TSHZ3: variants seen among roughly 807,000 people sequenced by gnomAD.
TSHZ3 encodes the protein teashirt zinc finger homeobox 3.
TSHZ3 carries 10 observed loss-of-function variants against 64.5 expected under a neutral mutation model. That is an observed-to-expected ratio of 0.16 (90% CI 0.10 to 0.26). TSHZ3 has a LOEUF of 0.26. Among genes scored for constraint, TSHZ3 ranks in the 10% least tolerant of loss-of-function variants. The pLI is 1.00. For missense variants in TSHZ3, 1,242 were observed against 1,421.7 expected (o/e 0.87, Z 2.03); for synonymous variants, 608 against 593.1 (o/e 1.03, Z -0.36).
exon 7 of TSHZ3, among the ~76,000 whole-genome samples, chr19:31,150,782 C>T (rs1004440488): frequency 2.0e-5 from 3 of 152,172 alleles, no homozygotes; most frequent in Non-Finnish European, 2.9e-5. Flanking sequence ...GTTGGGCACA[C>T]CTGTACCACC....
chr19:31,280,596 T>C (rs552825287), intron 1 of TSHZ3, among the ~76,000 whole-genome samples: 2 of 152,362 alleles, frequency 1.3e-5, no homozygotes, highest in African/African-American at 4.8e-5. Context: ...TGTATAAATA[T>C]ATACAAGACC....
At chr19:31,191,371 T>C (rs1381941899) in intron 5 of TSHZ3, among the ~76,000 whole-genome samples, 1 of 152,164 alleles carries the variant, frequency 6.6e-6, no homozygotes, top group Admixed American at 6.5e-5. Flanking sequence ...ATGCAAGTTA[T>C]AACACAATGG....
chr19:31,164,098 G>A (rs913776030), intron 5 of TSHZ3, among the ~76,000 whole-genome samples: 4 of 152,230 alleles, frequency 2.6e-5, no homozygotes, highest in Admixed American at 6.5e-5. Flanking sequence ...CCTTGACCCC[G>A]ACACCTTTTT....
chr19:31,263,174 A>G (rs1976003569), intron 1 of TSHZ3, among the ~76,000 whole-genome samples: 10 of 152,258 alleles, frequency 6.6e-5, no homozygotes, highest in Admixed American at 5.2e-4. Flanking sequence ...CTGAGCCAGG[A>G]CTTGGAGGTC....
chr19:31,308,506 C>T (rs1916361473), intron 1 of TSHZ3: 1 of 394,634 alleles, frequency 2.5e-6, no homozygotes, highest in Non-Finnish European at 4.5e-6. Context: ...TCATCGTCTC[C>T]AGCGTGGACC....
intron 3 of TSHZ3, among the ~76,000 whole-genome samples, chr19:31,229,748 A>G (rs753107181): frequency 2.0e-5 from 3 of 152,226 alleles, no homozygotes; most frequent in Non-Finnish European, 2.9e-5. Flanking sequence ...TGAAATGTCA[A>G]TGTGGACAAA....
intron 5 of TSHZ3, among the ~76,000 whole-genome samples, chr19:31,204,576 T>A (rs1358938734): frequency 1.3e-5 from 2 of 152,118 alleles, no homozygotes; most frequent in African/African-American, 4.8e-5. Context: ...CAGCCATGAG[T>A]AGAATGTTGT....
intron 1 of TSHZ3, among the ~76,000 whole-genome samples, chr19:31,332,483 C>G (rs542495139): frequency 6.6e-6 from 1 of 152,038 alleles, no homozygotes; most frequent in Non-Finnish European, 1.5e-5. Flanking sequence ...CCACGATGAC[C>G]GACGACCCCT....
intron 5 of TSHZ3, among the ~76,000 whole-genome samples, chr19:31,181,690 A>G (rs1458576772): frequency 6.6e-6 from 1 of 152,220 alleles, no homozygotes; most frequent in Non-Finnish European, 1.5e-5. Context: ...GAAGAAATGC[A>G]ACAAGGAAGA....
chr19:31,199,108 A>C (rs1389368406), intron 5 of TSHZ3, among the ~76,000 whole-genome samples: 1 of 152,150 alleles, frequency 6.6e-6, no homozygotes, highest in Non-Finnish European at 1.5e-5. Flanking sequence ...AAATAGACCT[A>C]TAAGAATATA....
At chr19:31,171,504 A>G (rs1974534358) in intron 5 of TSHZ3, among the ~76,000 whole-genome samples, 1 of 152,040 alleles carries the variant, frequency 6.6e-6, no homozygotes, top group South Asian at 2.1e-4. Flanking sequence ...TGGTGATACT[A>G]TCTAGAAGCC....
intron 4 of TSHZ3, among the ~76,000 whole-genome samples, chr19:31,222,295 C>T (rs1011872691): frequency 6.6e-5 from 10 of 152,204 alleles, no homozygotes; most frequent in African/African-American, 1.9e-4. Flanking sequence ...AAATGAAACA[C>T]ATCCAGTATA....
intron 5 of TSHZ3, among the ~76,000 whole-genome samples, chr19:31,159,714 A>G (rs1974349241): frequency 6.6e-6 from 1 of 151,484 alleles, no homozygotes; most frequent in Non-Finnish European, 1.5e-5. Context: ...TTTTTTTCAG[A>G]TAGGTTCTCA....
chr19:31,349,704 C>A (rs1450631826), upstream of TSHZ3, among the ~76,000 whole-genome samples: 1 of 147,110 alleles, frequency 6.8e-6, no homozygotes, highest in African/African-American at 2.5e-5. Flanking sequence ...GCGGGAGCGG[C>A]CCGGACCGGT....
At chr19:31,281,287 G>A (rs1027419163) in intron 1 of TSHZ3, among the ~76,000 whole-genome samples, 6 of 152,082 alleles carry the variant, frequency 3.9e-5, no homozygotes, top group African/African-American at 1.4e-4. Flanking sequence ...AAGTCAAGCA[G>A]ATAGGCCCCC....
chr19:31,326,758 A>G (rs1050440243), intron 1 of TSHZ3, among the ~76,000 whole-genome samples: 5 of 152,266 alleles, frequency 3.3e-5, no homozygotes, highest in Non-Finnish European at 5.9e-5. Context: ...CAGGAGGGAA[A>G]GGCAGTTCCT....
chr19:31,182,281 C>T (rs905047155), intron 5 of TSHZ3, among the ~76,000 whole-genome samples: 2 of 152,126 alleles, frequency 1.3e-5, no homozygotes, highest in Non-Finnish European at 2.9e-5. Flanking sequence ...CCAGCAAAAA[C>T]GAAGAGTGCA....
At chr19:31,347,212 A>T (rs2021544820) in intron 1 of TSHZ3, among the ~76,000 whole-genome samples, 1 of 151,774 alleles carries the variant, frequency 6.6e-6, no homozygotes, top group Non-Finnish European at 1.5e-5. Context: ...AAAAAGTGTG[A>T]AAAGGTTAGT....
chr19:31,196,228 G>A (rs1355318566), intron 5 of TSHZ3, among the ~76,000 whole-genome samples: 1 of 151,934 alleles, frequency 6.6e-6, no homozygotes, highest in African/African-American at 2.4e-5. Flanking sequence ...TTACACTACA[G>A]TTATTATAGT....
Sources: gnomAD v4.1 joint callset for allele counts (sites outside exome capture counted in the v4.1 genomes callset) on GRCh38, gnomAD v4.1.1 for gene constraint, MANE v1.5 for transcripts, NCBI Gene and HGNC (gene_info 2026-07-23, HGNC 2026-07-21) for gene names.